NXPE2: variants seen among roughly 807,000 people sequenced by gnomAD.
The protein encoded by NXPE2 is neurexophilin and PC-esterase domain family member 2.
A neutral mutation model predicts 34.4 loss-of-function variants in NXPE2; 34 were observed. The observed-to-expected ratio is 0.99, with a 90% CI of 0.75 to 1.31. The LOEUF (loss-of-function observed/expected upper bound fraction) is 1.31. NXPE2 is among the 40% of genes most tolerant of loss of function. The pLI, the probability that NXPE2 is intolerant of heterozygous loss-of-function variation, is 0.00. For missense variants in NXPE2, 649 were observed against 672.5 expected (o/e 0.97, Z 0.39); for synonymous variants, 235 against 231.3 (o/e 1.02, Z -0.15).
the NXPE2 span, among the ~76,000 whole-genome samples, chr11:114,466,120 T>C: frequency 3.3e-5 from 5 of 152,170 alleles, no homozygotes; most frequent in African/African-American, 1.2e-4. Context: ...ACTCAGAAGA[T>C]GTAGTCTGTA....
the NXPE2 span, among the ~76,000 whole-genome samples, chr11:114,505,677 T>C: frequency 6.6e-6 from 1 of 152,104 alleles, no homozygotes; most frequent in African/African-American, 2.4e-5. Flanking sequence ...AAGCAAATGC[T>C]GAGGGAATTT....
At chr11:114,743,255 T>G in the NXPE2 span, among the ~76,000 whole-genome samples, 1 of 135,708 alleles carries the variant, frequency 7.4e-6, no homozygotes, top group African/African-American at 2.8e-5. Context: ...AGACATTAAC[T>G]TAGCAAAGTA....
the NXPE2 span, among the ~76,000 whole-genome samples, chr11:114,540,975 G>A: frequency 0.012 from 1,724 of 144,872 alleles, 13 homozygotes; most frequent in Non-Finnish European, 0.019. Flanking sequence ...AGGTCATGCC[G>A]CAATTTCTGA....
chr11:114,623,249 G>A, the NXPE2 span, among the ~76,000 whole-genome samples: 127 of 150,422 alleles, frequency 8.4e-4, no homozygotes, highest in Admixed American at 2.9e-3. Context: ...ACTGTTTCCC[G>A]GTGGGTAATA....
chr11:114,571,257 A>T, the NXPE2 span: 1 of 1,614,050 alleles, frequency 6.2e-7, no homozygotes, highest in Non-Finnish European at 8.5e-7. Flanking sequence ...AAAGGGTCTG[A>T]AATGCTGGCC....
At chr11:114,723,900 C>T in the NXPE2 span, among the ~76,000 whole-genome samples, 2 of 152,156 alleles carry the variant, frequency 1.3e-5, no homozygotes, top group African/African-American at 2.4e-5. Flanking sequence ...CTTCACTAAT[C>T]TTTTGTGTGC....
At chr11:114,806,844 C>T in the NXPE2 span, among the ~76,000 whole-genome samples, 1 of 151,900 alleles carries the variant, frequency 6.6e-6, no homozygotes. Flanking sequence ...CAGAGAACGC[C>T]ACAAAGATAC....
chr11:114,511,130 A>G, the NXPE2 span, among the ~76,000 whole-genome samples: 1 of 152,146 alleles, frequency 6.6e-6, no homozygotes, highest in African/African-American at 2.4e-5. Context: ...CCTTCCTACT[A>G]ACAATGTAGG....
At chr11:114,601,159 G>T in the NXPE2 span, among the ~76,000 whole-genome samples, 4 of 151,408 alleles carry the variant, frequency 2.6e-5, no homozygotes, top group East Asian at 5.8e-4. Context: ...ATTGTATAAT[G>T]GTGAACTCTG....
At chr11:114,707,249 G>T, downstream of NXPE2, 1 of 299,482 alleles carries the variant, frequency 3.3e-6, no homozygotes, top group South Asian at 3.0e-5. Context: ...CCACCACCAT[G>T]CCAAGCTGAT....
the NXPE2 span, among the ~76,000 whole-genome samples, chr11:114,596,597 T>C: frequency 6.6e-5 from 10 of 152,210 alleles, no homozygotes; most frequent in Admixed American, 3.3e-4. Context: ...ACCTTAACAA[T>C]ACTTCTTTAT....
chr11:114,588,677 T>A, the NXPE2 span, among the ~76,000 whole-genome samples: 1 of 152,176 alleles, frequency 6.6e-6, no homozygotes, highest in Non-Finnish European at 1.5e-5. Flanking sequence ...CACTTTTTAA[T>A]GTGCATATTG....
At chr11:114,535,696 T>G in the NXPE2 span, among the ~76,000 whole-genome samples, 1 of 152,092 alleles carries the variant, frequency 6.6e-6, no homozygotes, top group African/African-American at 2.4e-5. Flanking sequence ...GGCCATTACA[T>G]AATGGTAAAG....
rs145214588 is a variant in NXPE2, at chr11:114,697,983, A to G, written c.133-62A>G. ...GATGTAAAATAAGCCATAATAATTT[A>G]TATTGAAAAGCAAGCCCTATTGTTT... On this transcript the variant is annotated intron_variant, in intron 2 of 5. Transcript: ENST00000389586. The G allele has an allele frequency of 6.5e-5, 88 of 1,363,134 alleles. No individual in the cohort carries two copies. In the African/African-American group the frequency reaches 1.2e-3, roughly 18 times the overall value. 84.4% of individuals were successfully genotyped at this position (1,363,134 alleles called of 1,614,324 possible).
At chr11:114,540,885 T>TTTTTTTTTTTTTTTTTTTG in the NXPE2 span, among the ~76,000 whole-genome samples, 1 of 81,242 alleles carries the variant, frequency 1.2e-5, no homozygotes, top group Non-Finnish European at 2.5e-5. Flanking sequence ...TTTTTTTTTT[T>TTTTTTTTTTTTTTTTTTTG]GGCTTGAACA....
chr11:114,499,494 T>A, the NXPE2 span, among the ~76,000 whole-genome samples: 1 of 152,212 alleles, frequency 6.6e-6, no homozygotes, highest in African/African-American at 2.4e-5. Context: ...CATATCAATT[T>A]TGATTTGTAG....
chr11:114,522,373 C>G, the NXPE2 span: 1 of 1,614,086 alleles, frequency 6.2e-7, no homozygotes, highest in African/African-American at 1.3e-5. Flanking sequence ...CATGATCTAT[C>G]AGAGAGTAGA....
the NXPE2 span, among the ~76,000 whole-genome samples, chr11:114,644,904 C>T: frequency 5.9e-5 from 9 of 151,518 alleles, no homozygotes; most frequent in South Asian, 2.1e-4. Flanking sequence ...GAATTAAAAG[C>T]GCAGAACTCA....
chr11:114,716,715 C>T, the NXPE2 span, among the ~76,000 whole-genome samples: 4 of 152,176 alleles, frequency 2.6e-5, no homozygotes, highest in Non-Finnish European at 1.5e-5. Context: ...AATAAAAGCT[C>T]TGTGATTAGG....
Sources: allele counts gnomAD v4.1 joint callset (sites outside exome capture counted in the v4.1 genomes callset), GRCh38; gene constraint gnomAD v4.1.1; transcripts MANE v1.5; gene names NCBI Gene and HGNC (gene_info 2026-07-23, HGNC 2026-07-21).